Variants in CHM observed in about 807,000 individuals in gnomAD.
CHM encodes CHM Rab escort protein.
A neutral mutation model predicts 49.0 loss-of-function variants in CHM; 10 were observed. The ratio of observed to expected loss-of-function variants is 0.20; its 90% CI spans 0.13 to 0.35. CHM has a LOEUF of 0.35. CHM is among the 10% of genes least tolerant of loss of function. CHM has a pLI of 1.00. For synonymous variants in CHM, 184 were observed against 167.5 expected, an observed-to-expected ratio of 1.10 and a Z score of -0.76; for missense variants, 455 against 478.4, an observed-to-expected ratio of 0.95 and a Z score of 0.46.
intron 2 of CHM, among the ~76,000 whole-genome samples, chrX:85,997,288 T>C (rs1365393455): frequency 9.0e-6 from 1 of 111,292 alleles, no homozygotes; most frequent in Non-Finnish European, 1.9e-5. Flanking sequence ...TAATATAAAA[T>C]TTGAGCATGT....
At chrX:86,015,118 T>C (rs1350740648) in intron 2 of CHM, among the ~76,000 whole-genome samples, 1 of 111,078 alleles carries the variant, frequency 9.0e-6, no homozygotes, top group African/African-American at 3.3e-5. Flanking sequence ...CTGATGTGGT[T>C]TGACAGTGTC....
At chrX:85,974,565 G>A (rs1387245277) in intron 4 of CHM, among the ~76,000 whole-genome samples, 2 of 110,896 alleles carry the variant, frequency 1.8e-5, no homozygotes, top group African/African-American at 6.5e-5. Context: ...ACAGAATAAA[G>A]AACCTCAAAA....
At position 85,978,798 on chromosome X, in the gene CHM, T is replaced by C; in HGVS notation, c.283A>G (p.Ile95Val). 2 of 1,206,418 alleles carry C rather than the reference T, an allele frequency of 1.7e-6. No individual in the cohort carries two copies. The highest frequency in any genetic ancestry group is 3.5e-5 in the African/African-American group (2 of 57,790). The change falls in exon 4 of 15, where the codon ATT (isoleucine) becomes GTT (valine). Residue 95 changes from isoleucine (I) to valine (V), a missense_variant. Ile to Val is a conservative substitution (Grantham distance 29). Transcript: ENST00000357749. Reference protein sequence around the residue: ...AIALSRKDKTIQHVEVFCYAS... With the variant: ...AIALSRKDKTVQHVEVFCYAS... Reference sequence around the variant, plus strand: ...TAACAAAATACTTCCACATGTTGAATAGTTTTGTCCTTCCTGCTAAGAGCA... The same window carrying C: ...TAACAAAATACTTCCACATGTTGAACAGTTTTGTCCTTCCTGCTAAGAGCA...
chrX:85,906,595 G>A (rs765746039), intron 9 of CHM, among the ~76,000 whole-genome samples: 1 of 111,682 alleles, frequency 9.0e-6, no homozygotes, highest in East Asian at 2.8e-4. Flanking sequence ...TCTAACTTTA[G>A]AGCTGTACTC....
At chrX:86,005,548 C>G (rs1932835079) in intron 2 of CHM, among the ~76,000 whole-genome samples, 1 of 111,591 alleles carries the variant, frequency 9.0e-6, no homozygotes, top group African/African-American at 3.3e-5. Context: ...AAAGAAGAAT[C>G]AAATAGACGC....
intron 8 of CHM, among the ~76,000 whole-genome samples, chrX:85,926,836 C>A (rs906717479): frequency 3.6e-5 from 4 of 111,486 alleles, no homozygotes; most frequent in African/African-American, 6.5e-5. Flanking sequence ...ATAAAAATAT[C>A]TCTCTCTGAG....
At chrX:86,017,136 G>C (rs1487274471) in intron 2 of CHM, among the ~76,000 whole-genome samples, 3 of 112,460 alleles carry the variant, frequency 2.7e-5, no homozygotes, top group African/African-American at 9.7e-5. Context: ...TACCCCTATT[G>C]TATCTAGGAA....
At chrX:85,939,230 CTGT>C (rs1427010104) in intron 8 of CHM, among the ~76,000 whole-genome samples, 1 of 111,936 alleles carries the variant, frequency 8.9e-6, no homozygotes, top group Non-Finnish European at 1.9e-5. Flanking sequence ...GAATGTATCC[CTGT>C]TGTTAAGTGA....
chrX:85,879,647 A>T (rs749814547), intron 12 of CHM, among the ~76,000 whole-genome samples: 1 of 111,703 alleles, frequency 9.0e-6, no homozygotes, highest in Non-Finnish European at 1.9e-5. Flanking sequence ...AAAATCACGT[A>T]CAAACAAGGC....
chrX:86,020,869 T>C (rs1229748196), intron 2 of CHM, among the ~76,000 whole-genome samples: 23 of 101,656 alleles, frequency 2.3e-4, no homozygotes, highest in African/African-American at 7.4e-4. Flanking sequence ...TATTTATATA[T>C]ATTTATCATA....
At chrX:85,882,705 A>G (rs1446111915) in intron 12 of CHM, among the ~76,000 whole-genome samples, 1 of 111,833 alleles carries the variant, frequency 8.9e-6, no homozygotes, top group Non-Finnish European at 1.9e-5. Context: ...TAGAAATAAC[A>G]ACACACTTTC....
At chrX:85,910,251 C>T (rs779092480) in intron 9 of CHM, among the ~76,000 whole-genome samples, 11 of 111,059 alleles carry the variant, frequency 9.9e-5, no homozygotes, top group South Asian at 3.8e-4. Context: ...GCCACTTAAA[C>T]GATACAAAAC....
intron 12 of CHM, among the ~76,000 whole-genome samples, chrX:85,881,692 A>G (rs1310891115): frequency 6.3e-5 from 7 of 111,995 alleles, no homozygotes; most frequent in Non-Finnish European, 1.3e-4. Flanking sequence ...AGTCAGCAGC[A>G]TTCAAACTGG....
chrX:85,902,024 G>T (rs956443058), intron 9 of CHM, among the ~76,000 whole-genome samples: 2 of 111,783 alleles, frequency 1.8e-5, no homozygotes, highest in African/African-American at 6.5e-5. Context: ...TCCTTGAAAT[G>T]GACTTACCAG....
chrX:85,901,928 A>T (rs1485384810), intron 9 of CHM, among the ~76,000 whole-genome samples: 1 of 111,713 alleles, frequency 9.0e-6, no homozygotes, highest in Non-Finnish European at 1.9e-5. Flanking sequence ...AAAGGATGAA[A>T]ATTAGAATCC....
intron 4 of CHM, 95 bp downstream of exon 4, chrX:85,978,672 C>T: frequency 1.1e-6 from 1 of 924,022 alleles, no homozygotes. Flanking sequence ...TGACTTGTAG[C>T]AACCAATGCC....
chrX:85,937,108 T>C (rs1928821758), intron 8 of CHM, among the ~76,000 whole-genome samples: 1 of 108,721 alleles, frequency 9.2e-6, no homozygotes, highest in South Asian at 4.1e-4. Context: ...CTACTAAAAA[T>C]ACAAAAAATT....
At chrX:85,920,257 A>T (rs778635879) in intron 8 of CHM, among the ~76,000 whole-genome samples, 1 of 109,268 alleles carries the variant, frequency 9.2e-6, no homozygotes, top group Non-Finnish European at 1.9e-5. Flanking sequence ...CACCACACCC[A>T]GCTAATTTTT....
intron 2 of CHM, among the ~76,000 whole-genome samples, chrX:86,013,476 G>A (rs1423234097): frequency 9.0e-6 from 1 of 111,716 alleles, no homozygotes; most frequent in Non-Finnish European, 1.9e-5. Flanking sequence ...GCTCATGCCT[G>A]TAATCCCAGC....
Sources: allele counts gnomAD v4.1 joint callset (sites outside exome capture counted in the v4.1 genomes callset), GRCh38; gene constraint gnomAD v4.1.1; transcripts MANE v1.5; gene names NCBI Gene and HGNC (gene_info 2026-07-23, HGNC 2026-07-21).